The following PKD2L2 variants were observed in gnomAD, a reference collection of about 807,000 sequenced individuals.
The protein encoded by PKD2L2 is polycystin-2-like protein 2.
A neutral mutation model predicts 83.9 loss-of-function variants in PKD2L2; 67 were observed. The observed-to-expected ratio is 0.80, with a 90% confidence interval of 0.66 to 0.98. The LOEUF (loss-of-function observed/expected upper bound fraction) is 0.98, where lower values mean the gene tolerates loss of function less well. Among genes scored for constraint, PKD2L2 ranks in the 50% least tolerant of loss-of-function variants. The probability of loss-of-function intolerance (pLI) is 0.00; values close to 1 mark genes in which losing one functional copy is unlikely to be tolerated. For synonymous variants in PKD2L2, 223 were observed against 237.8 expected, an observed-to-expected ratio of 0.94 and a Z score of 0.57; for missense variants, 632 against 717.2, an observed-to-expected ratio of 0.88 and a Z score of 1.36.
intron 9 of PKD2L2, among the ~76,000 whole-genome samples, chr5:137,922,433 C>T (rs1758996241): frequency 6.6e-6 from 1 of 152,088 alleles, no homozygotes. Flanking sequence ...AATTAAAAAA[C>T]AACAGTAACA....
intron 8 of PKD2L2, 146 bp from the exon 9 acceptor site, chr5:137,921,490 T>C: frequency 1.8e-6 from 1 of 551,912 alleles, no homozygotes; most frequent in Non-Finnish European, 3.1e-6. Context: ...ACATCCAATT[T>C]TACACAACTC....
At chr5:137,895,422 T>C (rs1022917780) in intron 4 of PKD2L2, among the ~76,000 whole-genome samples, 1 of 145,040 alleles carries the variant, frequency 6.9e-6, no homozygotes, top group Non-Finnish European at 1.5e-5. Flanking sequence ...CAGCAAGCTA[T>C]GATCACACCA....
intron 14 of PKD2L2, chr5:137,939,819 A>G (rs546678274): frequency 8.1e-7 from 1 of 1,242,130 alleles, no homozygotes; most frequent in Non-Finnish European, 1.0e-6. Flanking sequence ...AAAAGGCAAC[A>G]GAAGAATTCA....
chr5:137,931,774 T>C (rs1434734460), intron 12 of PKD2L2, among the ~76,000 whole-genome samples: 1 of 152,112 alleles, frequency 6.6e-6, no homozygotes, highest in Non-Finnish European at 1.5e-5. Flanking sequence ...TCAAAACAAT[T>C]AGATAAGAGA....
chr5:137,916,194 G>A (rs77066031), intron 8 of PKD2L2, among the ~76,000 whole-genome samples: 3 of 149,760 alleles, frequency 2.0e-5, no homozygotes, highest in African/African-American at 7.4e-5. Context: ...TTTTTTTTTT[G>A]AGACGGAGTC....
At chr5:137,899,161 G>A (rs1756741113) in intron 4 of PKD2L2, among the ~76,000 whole-genome samples, 1 of 151,932 alleles carries the variant, frequency 6.6e-6, no homozygotes, top group South Asian at 2.1e-4. Flanking sequence ...CTCTTTGCCT[G>A]GGCTGGAGTG....
At chr5:137,906,613 A>AT (rs1040352280) in intron 6 of PKD2L2, among the ~76,000 whole-genome samples, 179 bp downstream of exon 6, 2 of 152,074 alleles carry the variant, frequency 1.3e-5, no homozygotes, top group Non-Finnish European at 2.9e-5. Context: ...GGAGAGATCT[A>AT]TTTTTTTCTG....
chr5:137,922,430 A>G (rs73300156), intron 9 of PKD2L2, among the ~76,000 whole-genome samples: 2,174 of 152,262 alleles, frequency 0.014, 57 homozygotes, highest in African/African-American at 0.049. Context: ...TAGAATTAAA[A>G]AACAACAGTA....
At chr5:137,910,681 G>A (rs1379598978) in intron 8 of PKD2L2, among the ~76,000 whole-genome samples, 1 of 151,734 alleles carries the variant, frequency 6.6e-6, no homozygotes, top group Non-Finnish European at 1.5e-5. Flanking sequence ...TCAGGAGGCT[G>A]AGGCAGGAGA....
intron 8 of PKD2L2, among the ~76,000 whole-genome samples, chr5:137,916,626 C>T (rs915975594): frequency 1.3e-5 from 2 of 151,486 alleles, no homozygotes; most frequent in East Asian, 1.9e-4. Context: ...GTTACAGATG[C>T]GCACCACCAC....
At chr5:137,940,061 C>T (rs1221804323) in intron 14 of PKD2L2, 1 of 1,613,896 alleles carries the variant, frequency 6.2e-7, no homozygotes, top group Non-Finnish European at 8.5e-7. Flanking sequence ...AGAGGGCCTA[C>T]TTACTCTCCC....
intron 1 of PKD2L2, chr5:137,890,272 A>G: frequency 2.4e-6 from 1 of 409,294 alleles, no homozygotes. Flanking sequence ...ACAGAGCTAG[A>G]CTCCGTCTCA....
At chr5:137,932,922 G>A (rs889970004) in intron 12 of PKD2L2, among the ~76,000 whole-genome samples, 5 of 152,132 alleles carry the variant, frequency 3.3e-5, no homozygotes, top group African/African-American at 1.2e-4. Flanking sequence ...CTTCTTGAGT[G>A]GGTGTGATGA....
At chr5:137,894,880 A>G (rs1756308985) in intron 4 of PKD2L2, among the ~76,000 whole-genome samples, 1 of 152,186 alleles carries the variant, frequency 6.6e-6, no homozygotes, top group Non-Finnish European at 1.5e-5. Flanking sequence ...CAAAGCATCC[A>G]TTTTTGCTTC....
At chr5:137,935,181 G>A (rs1760222023) in intron 12 of PKD2L2, among the ~76,000 whole-genome samples, 1 of 152,180 alleles carries the variant, frequency 6.6e-6, no homozygotes, top group African/African-American at 2.4e-5. Flanking sequence ...CAACACACAG[G>A]CCCTTTTTAT....
intron 4 of PKD2L2, among the ~76,000 whole-genome samples, chr5:137,899,309 G>T (rs1756754826): frequency 6.6e-6 from 1 of 152,082 alleles, no homozygotes; most frequent in Non-Finnish European, 1.5e-5. Context: ...TAGAGATAGG[G>T]TTTCACCACA....
intron 12 of PKD2L2, 28 bp from the exon 13 acceptor site, chr5:137,935,769 A>T (rs941179997): frequency 1.1e-5 from 13 of 1,169,082 alleles, no homozygotes; most frequent in Non-Finnish European, 1.7e-5. Context: ...TAAAGATTGC[A>T]GCCTTTACTT....
At chr5:137,935,647 T>C (rs1760266630) in intron 12 of PKD2L2, 150 bp from the exon 13 acceptor site, 4 of 581,354 alleles carry the variant, frequency 6.9e-6, no homozygotes, top group African/African-American at 1.9e-5. Context: ...AGATCTAAAA[T>C]CTAGGCAGGG....
chr5:137,913,641 C>T (rs1468081968), intron 8 of PKD2L2, among the ~76,000 whole-genome samples: 1 of 151,994 alleles, frequency 6.6e-6, no homozygotes, highest in African/African-American at 2.4e-5. Flanking sequence ...TAGGCACATG[C>T]CACCACACCC....
Sources: allele counts gnomAD v4.1 joint callset (sites outside exome capture counted in the v4.1 genomes callset), GRCh38; gene constraint gnomAD v4.1.1; transcripts MANE v1.5; gene names NCBI Gene and HGNC (gene_info 2026-07-23, HGNC 2026-07-21).